Variants in HYCC2 observed in about 807,000 individuals in gnomAD.
HYCC2 encodes hyccin 2.
the HYCC2 span, among the ~76,000 whole-genome samples, chr2:201,068,292 A>C: frequency 6.6e-6 from 1 of 152,222 alleles, no homozygotes; most frequent in Admixed American, 6.5e-5. Flanking sequence ...CGTCTCAAAA[A>C]AAGAAAAAAA....
the HYCC2 span, among the ~76,000 whole-genome samples, chr2:201,033,159 A>ATGTGTGTGTGTGTGTGTG: frequency 8.5e-6 from 1 of 117,940 alleles, no homozygotes; most frequent in Non-Finnish European, 1.7e-5. Context: ...ATGTGTGTGT[A>ATGTGTGTGTGTGTGTGTG]TGTGTGTGTG....
the HYCC2 span, chr2:201,063,165 C>A: frequency 1.2e-6 from 2 of 1,610,460 alleles, no homozygotes; most frequent in Non-Finnish European, 1.7e-6. Flanking sequence ...TTTGAAACAA[C>A]CGATGAGAGC....
At chr2:200,995,537 C>T in the HYCC2 span, among the ~76,000 whole-genome samples, 4 of 152,204 alleles carry the variant, frequency 2.6e-5, no homozygotes, top group Non-Finnish European at 5.9e-5. Context: ...ACTCCTCCCA[C>T]GTTGAAGAAG....
the HYCC2 span, among the ~76,000 whole-genome samples, chr2:201,055,384 A>G: frequency 9.4e-3 from 1,163 of 123,610 alleles, 19 homozygotes; most frequent in African/African-American, 0.041. Context: ...TTCCATCTCG[A>G]AAAAAAAAAA....
the HYCC2 span, among the ~76,000 whole-genome samples, chr2:201,039,085 T>A: frequency 1.3e-5 from 2 of 152,176 alleles, no homozygotes; most frequent in Non-Finnish European, 2.9e-5. Flanking sequence ...TGGAATAGAC[T>A]CAGTTCATGT....
the HYCC2 span, among the ~76,000 whole-genome samples, chr2:201,040,435 T>C: frequency 6.6e-6 from 1 of 150,486 alleles, no homozygotes; most frequent in African/African-American, 2.5e-5. Context: ...AAATTGAGAA[T>C]AGCATTTTGT....
At chr2:201,036,736 G>A in the HYCC2 span, among the ~76,000 whole-genome samples, 1 of 152,074 alleles carries the variant, frequency 6.6e-6, no homozygotes, top group Non-Finnish European at 1.5e-5. Flanking sequence ...GATACTGATG[G>A]AACATATCTC....
At chr2:200,989,017 C>G in the HYCC2 span, among the ~76,000 whole-genome samples, 1 of 152,236 alleles carries the variant, frequency 6.6e-6, no homozygotes, top group African/African-American at 2.4e-5. Flanking sequence ...GCCTGATCAG[C>G]TCACTCAAAC....
chr2:201,002,562 G>A, the HYCC2 span, among the ~76,000 whole-genome samples: 1 of 149,796 alleles, frequency 6.7e-6, no homozygotes, highest in Admixed American at 6.7e-5. Context: ...GTCTTCCTCT[G>A]TCACCCAGGC....
chr2:201,044,089 A>G, the HYCC2 span, among the ~76,000 whole-genome samples: 1 of 152,222 alleles, frequency 6.6e-6, no homozygotes, highest in Admixed American at 6.5e-5. Context: ...TGTATATTAC[A>G]TCACCTGGTA....
the HYCC2 span, among the ~76,000 whole-genome samples, chr2:201,033,406 T>C: frequency 6.6e-6 from 1 of 151,042 alleles, no homozygotes; most frequent in African/African-American, 2.4e-5. Flanking sequence ...TTTTATTTTA[T>C]TTTATTTTAT....
chr2:200,990,166 C>T, the HYCC2 span, among the ~76,000 whole-genome samples: 1 of 152,062 alleles, frequency 6.6e-6, no homozygotes, highest in South Asian at 2.1e-4. Context: ...TATTCCTTTG[C>T]AATTAGAAAT....
chr2:201,062,252 C>G, the HYCC2 span, among the ~76,000 whole-genome samples: 1 of 152,090 alleles, frequency 6.6e-6, no homozygotes, highest in Non-Finnish European at 1.5e-5. Context: ...GACATGGTGG[C>G]TCCAGCCTGT....
the HYCC2 span, among the ~76,000 whole-genome samples, chr2:200,983,638 C>A: frequency 6.6e-6 from 1 of 150,530 alleles, no homozygotes; most frequent in Admixed American, 6.6e-5. Context: ...TTATAATGTA[C>A]CTCAAAATAA....
At chr2:201,034,137 T>C in the HYCC2 span, among the ~76,000 whole-genome samples, 8 of 151,602 alleles carry the variant, frequency 5.3e-5, no homozygotes, top group South Asian at 2.1e-4. Context: ...TAGAGAAATA[T>C]AGTGGTATTA....
At chr2:201,012,952 T>C in the HYCC2 span, among the ~76,000 whole-genome samples, 4 of 146,316 alleles carry the variant, frequency 2.7e-5, no homozygotes, top group Non-Finnish European at 4.5e-5. Context: ...TTTCAAAAAA[T>C]ACACACACAC....
chr2:200,980,182 AAATGTCTGACTGAATTTAG>A, the HYCC2 span: 1 of 152,618 alleles, frequency 6.6e-6, no homozygotes. Flanking sequence ...TCTTAATCCA[AAATGTCTGACTGAATTTAG>A]GTACATCTAG....
At chr2:201,058,244 G>A in the HYCC2 span, among the ~76,000 whole-genome samples, 11 of 151,966 alleles carry the variant, frequency 7.2e-5, no homozygotes, top group African/African-American at 1.2e-4. Flanking sequence ...TCAACATAGC[G>A]TCCACAGACC....
At chr2:201,033,665 A>G in the HYCC2 span, among the ~76,000 whole-genome samples, 7 of 152,020 alleles carry the variant, frequency 4.6e-5, no homozygotes, top group East Asian at 9.7e-4. Flanking sequence ...CGGCCTCCCA[A>G]AGTGCTGGGA....
Sources: gnomAD v4.1 joint callset for allele counts (sites outside exome capture counted in the v4.1 genomes callset) on GRCh38, gnomAD v4.1.1 for gene constraint, MANE v1.5 for transcripts, NCBI Gene and HGNC (gene_info 2026-07-23, HGNC 2026-07-21) for gene names.